Variants in FSCN2 observed in about 807,000 individuals in gnomAD.
FSCN2 encodes fascin actin-bundling protein 2, retinal, also known as fascin-2.
A neutral mutation model predicts 37.8 loss-of-function variants in FSCN2; 46 were observed. The ratio of observed to expected loss-of-function variants is 1.22; its 90% CI spans 0.96 to 1.56. The LOEUF (loss-of-function observed/expected upper bound fraction) is 1.56, where lower values mean the gene tolerates loss of function less well. Among genes scored for constraint, FSCN2 ranks in the 40% most tolerant of loss-of-function variants. FSCN2 has a pLI of 0.00. For synonymous variants in FSCN2, 351 were observed against 309.4 expected, an observed-to-expected ratio of 1.13 and a Z score of -1.41; for missense variants, 844 against 730.4, an observed-to-expected ratio of 1.16 and a Z score of -1.79.
chr17:81,519,600 A>AC, the FSCN2 span, among the ~76,000 whole-genome samples: 1 of 151,714 alleles, frequency 6.6e-6, no homozygotes, highest in African/African-American at 2.4e-5. Flanking sequence ...GCCAGGAGGG[A>AC]CCCCCGCTCC....
upstream of FSCN2, among the ~76,000 whole-genome samples, chr17:81,528,000 G>C (rs115502854): frequency 6.6e-6 from 1 of 152,092 alleles, no homozygotes; most frequent in Non-Finnish European, 1.5e-5. Context: ...GGGTACGGGC[G>C]GCGATCAGGT....
chr17:81,536,865 C>T lies in FSCN2; in HGVS notation c.1274-10C>T, dbSNP rs757344317. On this transcript the variant is annotated splice_polypyrimidine_tract_variant and intron_variant, in intron 4 of 4. Transcript: ENST00000417245. Reference sequence around the variant, plus strand: ...GTGGGCACCCCCGCCGACGCCGTCCCGTCCCCCAGGCCGCGACGGAGGGTT... The same window carrying T: ...GTGGGCACCCCCGCCGACGCCGTCCTGTCCCCCAGGCCGCGACGGAGGGTT... 1.3e-5 allele frequency: 20 copies of T among 1,563,234 alleles called. No individual in the cohort carries two copies. The East Asian group carries it at 1.9e-4, about 15-fold the overall frequency.
In FSCN2 at chr17:81,535,177, C is replaced by G; in HGVS notation, c.952C>G (p.His318Asp). 6.5e-7 allele frequency: 1 copy of G among 1,533,402 alleles called. No individual in the cohort carries two copies. The allele number at this position is 1,533,402 out of a possible 1,614,324, so 95.0% of individuals were successfully genotyped here. ...STGGYWTLVT[H>D]GGIHATATQV... Reference sequence around the variant, plus strand: ...TGGGGGCTACTGGACCCTGGTCACCCATGGGGGCATTCACGCCACAGCCAC... The same window carrying G: ...TGGGGGCTACTGGACCCTGGTCACCGATGGGGGCATTCACGCCACAGCCAC... Residue 318 changes from histidine (H) to aspartate (D), a missense_variant, in exon 2 of 5, where the codon CAT becomes GAT. Transcript: ENST00000417245.
rs782555728 is a variant in FSCN2, at chr17:81,528,615, C to G, written c.84C>G (p.Ser28Arg). Residue 28 changes from serine (S) to arginine (R), a missense_variant, in exon 1 of 5, where the codon AGC becomes AGG. Ser to Arg is a moderately radical substitution (Grantham distance 110). Transcript: ENST00000417245. Reference sequence around the variant, plus strand: ...CTGACCGCTACCTGACAGCTGAGAGCTTCGGCTTCAAGGTCAATGCCTCGG... The same window carrying G: ...CTGACCGCTACCTGACAGCTGAGAGGTTCGGCTTCAAGGTCAATGCCTCGG... Reference protein sequence around the residue: ...NDTDRYLTAESFGFKVNASAP... With the variant: ...NDTDRYLTAERFGFKVNASAP... The G allele has an allele frequency of 2.5e-6, 4 of 1,607,576 alleles. No homozygotes were observed. The highest frequency in any genetic ancestry group is 1.6e-4 in the Middle Eastern group (1 of 6,084).
chr17:81,520,612 G>A, the FSCN2 span, among the ~76,000 whole-genome samples: 1 of 152,264 alleles, frequency 6.6e-6, no homozygotes, highest in Non-Finnish European at 1.5e-5. Flanking sequence ...GGTGAGAGAT[G>A]GAATTTCAAG....
Position 81,531,531 on chromosome 17 carries a change from ATGG to A in FSCN2, c.826+2180_826+2182del, listed in dbSNP as rs545658488. On this transcript the variant is annotated intron_variant, in intron 1 of 4. Coordinates refer to ENST00000417245, the MANE Select transcript of FSCN2 (RefSeq NM_012418.4). ...GGTGATGGTGATGGTGGTGATGGCG[ATGG>A]TGGTGATGATGGTGATGGCGATGAT... Among the ~76,000 whole-genome samples, 28 of 64,958 alleles carry A rather than the reference ATGG, an allele frequency of 4.3e-4. 1 individual carries two copies. Among genetic ancestry groups the A allele is most frequent in the South Asian group, 3.2e-3 (6 of 1,852 alleles). The allele number at this position is 64,958 out of a possible 152,430, so 42.6% of individuals were successfully genotyped here.
rs759939701 is a variant in FSCN2 at position 81,536,715 on chromosome 17, A to C, written c.1199A>C (p.Asn400Thr). The change falls in exon 4 of 5, where the codon AAC (asparagine) becomes ACC (threonine). Residue 400 changes from asparagine to threonine, a missense_variant. By Grantham distance (65) the Asn-to-Thr change is moderately conservative (BLOSUM62 0). Transcript: ENST00000417245. The part of the protein sequence containing the change: ...DGFVCHHRGS[N>T]QLDTNRSVYD... ...TTCGTCTGCCACCACCGCGGCTCCAACCAGCTGGACACCAACCGCTCCGTC... is the reference window on the plus strand; with the variant it reads ...TTCGTCTGCCACCACCGCGGCTCCACCCAGCTGGACACCAACCGCTCCGTC... 2 of 1,611,066 alleles carry C rather than the reference A, an allele frequency of 1.2e-6. No homozygotes were observed. The highest frequency in any genetic ancestry group is 2.7e-5 in the African/African-American group (2 of 74,974).
upstream of FSCN2, among the ~76,000 whole-genome samples, chr17:81,526,358 G>C (rs546631479): frequency 6.6e-6 from 1 of 152,352 alleles, no homozygotes; most frequent in South Asian, 2.1e-4. Context: ...GAGGCCGGGC[G>C]CAGTGGCCAC....
At position 81,536,698 on chromosome 17, in the gene FSCN2, C is replaced by A; in HGVS notation, c.1182C>A (p.Cys394Ter). The change falls in exon 4 of 5, where the codon TGC becomes TGA. Residue 394 changes from cysteine (C) to a stop codon, truncating the protein, a stop_gained. Coordinates refer to ENST00000417245, the MANE Select transcript of FSCN2 (RefSeq NM_012418.4). LOFTEE classifies it high-confidence loss of function. ...LVLRGLDGFV[C>*]HHRGSNQLDT... ...TGCGCGGCCTGGACGGCTTCGTCTG[C>A]CACCACCGCGGCTCCAACCAGCTGG... 1 of 1,611,184 alleles carries A rather than the reference C, an allele frequency of 6.2e-7. No homozygotes were observed. Among genetic ancestry groups the A allele is most frequent in the South Asian group, 1.1e-5 (1 of 90,918 alleles).
At chr17:81,533,970 CGTGT>C (rs2032775169) in intron 1 of FSCN2, among the ~76,000 whole-genome samples, 1 of 152,184 alleles carries the variant, frequency 6.6e-6, no homozygotes, top group Admixed American at 6.5e-5. Flanking sequence ...CCCCGGGTAC[CGTGT>C]CAGTGTTGCC....
At position 81,535,168 on chromosome 17, in the gene FSCN2, C is replaced by T; in HGVS notation, c.943C>T (p.Leu315=). ...TTCCAGCACTGGGGGCTACTGGACC[C>T]TGGTCACCCATGGGGGCATTCACGC... ...FYSSTGGYWT[L]VTHGGIHATA... is the part of the protein sequence containing the mutation. Residue 315 remains leucine (L), a synonymous_variant, in exon 2 of 5, where the codon CTG becomes TTG. Coordinates refer to ENST00000417245, the MANE Select transcript of FSCN2 (RefSeq NM_012418.4). The T allele has an allele frequency of 6.5e-7, 1 of 1,533,664 alleles. No individual in the cohort carries two copies. Among genetic ancestry groups the T allele is most frequent in the Non-Finnish European group, 8.7e-7 (1 of 1,145,402 alleles).
chr17:81,531,621 A>ATGGTGGTGGTGATGG (rs1444863400), intron 1 of FSCN2, among the ~76,000 whole-genome samples: 2 of 97,016 alleles, frequency 2.1e-5, no homozygotes, highest in Non-Finnish European at 4.2e-5. Flanking sequence ...GATGATGGTG[A>ATGGTGGTGGTGATGG]TGGTGGTGGT....
chr17:81,518,034 C>T, the FSCN2 span, among the ~76,000 whole-genome samples: 1,592 of 152,260 alleles, frequency 0.01, 25 homozygotes, highest in African/African-American at 0.037. Flanking sequence ...CGCAATGAAT[C>T]CCCATGTTTC....
intron 3 of FSCN2, 67 bp downstream of exon 3, chr17:81,536,334 A>T: frequency 6.5e-7 from 1 of 1,535,720 alleles, no homozygotes; most frequent in Non-Finnish European, 8.8e-7. Flanking sequence ...ACCTGCCCAG[A>T]CACCCCATCT....
chr17:81,536,021 T>C (rs1299370647), intron 2 of FSCN2, 125 bp from the exon 3 acceptor site: 1 of 1,188,834 alleles, frequency 8.4e-7, no homozygotes, highest in Admixed American at 2.2e-5. Context: ...CGCCTGATGG[T>C]GGTGGGTGTG....
chr17:81,528,618 C>G lies in FSCN2; in HGVS notation c.87C>G (p.Phe29Leu), dbSNP rs377085709. The G allele has an allele frequency of 6.2e-7, 1 of 1,607,184 alleles. No homozygotes were observed. Among genetic ancestry groups the G allele is most frequent in the East Asian group, 2.2e-5 (1 of 44,564 alleles). ...DTDRYLTAESFGFKVNASAPS... is the reference protein window; with the variant it reads ...DTDRYLTAESLGFKVNASAPS... ...ACCGCTACCTGACAGCTGAGAGCTT[C>G]GGCTTCAAGGTCAATGCCTCGGCAC... The change falls in exon 1 of 5, where the codon TTC becomes TTG. Residue 29 changes from phenylalanine to leucine, a missense_variant. Phe to Leu is a conservative substitution (Grantham distance 22, BLOSUM62 0). Transcript: ENST00000417245.
In FSCN2 at chr17:81,537,123, C is replaced by T. The variant is rs2032916249; in HGVS notation, c.*43C>T. The T allele has an allele frequency of 1.5e-6, 2 of 1,345,396 alleles. No individual in the cohort carries two copies. The highest frequency in any genetic ancestry group is 1.5e-5 in the African/African-American group (1 of 64,668). 83.3% of individuals were successfully genotyped at this position (1,345,396 alleles called of 1,614,324 possible). ...CCTGTCGCGCATTAAAACCGTGTCTCTCCCGCAGCTGTGGGTGGGCCCCGG... is the reference window on the plus strand; with the variant it reads ...CCTGTCGCGCATTAAAACCGTGTCTTTCCCGCAGCTGTGGGTGGGCCCCGG... On this transcript the variant is annotated 3_prime_UTR_variant, in exon 5 of 5. Coordinates refer to ENST00000417245, the MANE Select transcript of FSCN2 (RefSeq NM_012418.4).
At chr17:81,521,424 T>A in the FSCN2 span, among the ~76,000 whole-genome samples, 2 of 150,398 alleles carry the variant, frequency 1.3e-5, no homozygotes, top group Non-Finnish European at 2.9e-5. Flanking sequence ...AGTGCATTGG[T>A]GCCATCTCAG....
the FSCN2 span, among the ~76,000 whole-genome samples, chr17:81,516,333 T>C: frequency 7.2e-5 from 11 of 152,378 alleles, no homozygotes; most frequent in South Asian, 2.3e-3. Context: ...AATAGAGCAT[T>C]GGGAAACCTT....
Sources: gnomAD v4.1 joint callset for allele counts (sites outside exome capture counted in the v4.1 genomes callset) on GRCh38, gnomAD v4.1.1 for gene constraint, MANE v1.5 for transcripts, NCBI Gene and HGNC (gene_info 2026-07-23, HGNC 2026-07-21) for gene names.